Variants in LYPLAL1 observed in about 807,000 individuals in gnomAD.
LYPLAL1 encodes the protein lysophospholipase like 1.
In LYPLAL1, 23 loss-of-function variants were observed where a neutral mutation model predicts 19.7. That is an observed-to-expected ratio of 1.17 (90% CI 0.84 to 1.65). The LOEUF is 1.65. LYPLAL1 is among the 40% of genes most tolerant of loss of function. The pLI, the probability that LYPLAL1 is intolerant of heterozygous loss-of-function variation, is 0.00. For synonymous variants in LYPLAL1, 119 were observed against 96.3 expected (o/e 1.24, Z -1.38); for missense variants, 355 against 279.4 (o/e 1.27, Z -1.93).
chr1:219,300,523 A>G, the LYPLAL1 span, among the ~76,000 whole-genome samples: 1 of 136,536 alleles, frequency 7.3e-6, no homozygotes, highest in Non-Finnish European at 1.5e-5. Flanking sequence ...GAGATTCTTT[A>G]TCCTAACTTT....
At chr1:219,222,801 T>C in the LYPLAL1 span, 2 of 152,158 alleles carry the variant, frequency 1.3e-5, no homozygotes, top group Non-Finnish European at 2.9e-5. Flanking sequence ...TGCCAGCAGA[T>C]TTGGTGTCTG....
At chr1:219,380,293 G>A in the LYPLAL1 span, among the ~76,000 whole-genome samples, 2 of 152,328 alleles carry the variant, frequency 1.3e-5, no homozygotes, top group African/African-American at 2.4e-5. Flanking sequence ...TCAGACCATG[G>A]TGTGGGTGGG....
the LYPLAL1 span, among the ~76,000 whole-genome samples, chr1:219,247,432 T>G: frequency 6.6e-6 from 1 of 152,226 alleles, no homozygotes; most frequent in African/African-American, 2.4e-5. Context: ...TTTAAGATCA[T>G]GTTGGGTGGC....
chr1:219,276,452 T>A, the LYPLAL1 span, among the ~76,000 whole-genome samples: 2 of 152,284 alleles, frequency 1.3e-5, no homozygotes, highest in Non-Finnish European at 2.9e-5. Flanking sequence ...CAAGAACGTT[T>A]CTTTATAAAA....
chr1:219,371,580 C>T, the LYPLAL1 span, among the ~76,000 whole-genome samples: 59 of 152,274 alleles, frequency 3.9e-4, no homozygotes, highest in African/African-American at 1.4e-3. Flanking sequence ...TTTCTCTGTA[C>T]ATATTTATAA....
the LYPLAL1 span, among the ~76,000 whole-genome samples, chr1:219,257,760 C>G: frequency 6.6e-6 from 1 of 152,022 alleles, no homozygotes; most frequent in African/African-American, 2.4e-5. Context: ...TGATAAACAT[C>G]TTAAACAACA....
the LYPLAL1 span, among the ~76,000 whole-genome samples, chr1:219,406,317 A>G: frequency 2.6e-5 from 4 of 152,172 alleles, no homozygotes; most frequent in African/African-American, 7.2e-5. Context: ...TATCATGCTC[A>G]ATTTTATGCT....
chr1:219,370,366 A>T, the LYPLAL1 span, among the ~76,000 whole-genome samples: 2 of 152,184 alleles, frequency 1.3e-5, no homozygotes, highest in African/African-American at 4.8e-5. Context: ...GAGGTGACTC[A>T]GACCTTCCTC....
chr1:219,219,038 C>A, the LYPLAL1 span, among the ~76,000 whole-genome samples: 1 of 152,102 alleles, frequency 6.6e-6, no homozygotes, highest in Non-Finnish European at 1.5e-5. Flanking sequence ...AGCAAGTACA[C>A]GGATTCCACT....
the LYPLAL1 span, chr1:219,271,387 T>TG: frequency 4.7e-5 from 7 of 149,162 alleles, no homozygotes; most frequent in Admixed American, 4.6e-4. Flanking sequence ...GAAGTGTTTT[T>TG]TTTTTTTTTT....
chr1:219,259,375 CA>C, the LYPLAL1 span, among the ~76,000 whole-genome samples: 1 of 145,766 alleles, frequency 6.9e-6, no homozygotes, highest in East Asian at 2.0e-4. Flanking sequence ...GCCCATCAAC[CA>C]ATGAGTGGAT....
At chr1:219,444,100 A>G in the LYPLAL1 span, among the ~76,000 whole-genome samples, 2 of 152,212 alleles carry the variant, frequency 1.3e-5, no homozygotes, top group Non-Finnish European at 2.9e-5. Flanking sequence ...TTATAAGGAA[A>G]TTACATTGAA....
At chr1:219,384,991 G>A in the LYPLAL1 span, among the ~76,000 whole-genome samples, 1 of 152,130 alleles carries the variant, frequency 6.6e-6, no homozygotes, top group Non-Finnish European at 1.5e-5. Flanking sequence ...TACGGATCTT[G>A]GATCGTCCAG....
At chr1:219,425,894 G>GTAA in the LYPLAL1 span, among the ~76,000 whole-genome samples, 1 of 152,210 alleles carries the variant, frequency 6.6e-6, no homozygotes, top group Non-Finnish European at 1.5e-5. Flanking sequence ...ACTCAGACAA[G>GTAA]TAATATGTTT....
chr1:219,438,553 G>A, the LYPLAL1 span, among the ~76,000 whole-genome samples: 1 of 152,188 alleles, frequency 6.6e-6, no homozygotes, highest in South Asian at 2.1e-4. Context: ...AGGAAAATTA[G>A]TCACATAGTG....
chr1:219,243,627 A>T, the LYPLAL1 span, among the ~76,000 whole-genome samples: 2 of 152,094 alleles, frequency 1.3e-5, no homozygotes, highest in African/African-American at 4.8e-5. Context: ...TTAAAAAAAA[A>T]TTTAAAAAAG....
intron 2 of LYPLAL1, among the ~76,000 whole-genome samples, chr1:219,186,163 A>T (rs1656704038): frequency 6.6e-6 from 1 of 151,722 alleles, no homozygotes; most frequent in Non-Finnish European, 1.5e-5. Context: ...AGATATTCTT[A>T]TTACTGTTGA....
the LYPLAL1 span, among the ~76,000 whole-genome samples, chr1:219,315,539 A>G: frequency 1.4e-4 from 22 of 152,194 alleles, no homozygotes; most frequent in African/African-American, 5.1e-4. Context: ...TTCCCTTAAA[A>G]TAGACATCAT....
At chr1:219,232,635 T>C in the LYPLAL1 span, among the ~76,000 whole-genome samples, 1 of 152,144 alleles carries the variant, frequency 6.6e-6, no homozygotes, top group Non-Finnish European at 1.5e-5. Context: ...ATCATTTATC[T>C]GATAAGAGAT....
Sources: gnomAD v4.1 joint callset for allele counts (sites outside exome capture counted in the v4.1 genomes callset) on GRCh38, gnomAD v4.1.1 for gene constraint, MANE v1.5 for transcripts, NCBI Gene and HGNC (gene_info 2026-07-23, HGNC 2026-07-21) for gene names.